ARHGAP18: variants seen among roughly 807,000 people sequenced by gnomAD.
ARHGAP18 encodes rho GTPase-activating protein 18.
A neutral mutation model predicts 86.2 loss-of-function variants in ARHGAP18; 67 were observed. That is an observed-to-expected ratio of 0.78 (90% confidence interval 0.64 to 0.95). ARHGAP18 has a LOEUF of 0.95. Among genes scored for constraint, ARHGAP18 ranks in the 40% least tolerant of loss-of-function variants. The probability of loss-of-function intolerance (pLI) is 0.00; values close to 1 mark genes in which losing one functional copy is unlikely to be tolerated. For missense variants in ARHGAP18, 691 were observed against 780.4 expected (o/e 0.89, Z 1.37); for synonymous variants, 283 against 280.4 (o/e 1.01, Z -0.09).
intron 6 of ARHGAP18, among the ~76,000 whole-genome samples, chr6:129,616,747 A>G (rs1789107371): frequency 6.6e-6 from 1 of 152,184 alleles, no homozygotes; most frequent in African/African-American, 2.4e-5. Flanking sequence ...CAGGAGTTCA[A>G]GACCAGCCTA....
chr6:129,663,867 T>C (rs1773994924), intron 1 of ARHGAP18, among the ~76,000 whole-genome samples: 1 of 152,248 alleles, frequency 6.6e-6, no homozygotes. Context: ...ATTTTAGCAA[T>C]CGCAAACTGA....
chr6:129,691,569 A>C (rs1235815814), intron 1 of ARHGAP18, among the ~76,000 whole-genome samples: 3 of 152,184 alleles, frequency 2.0e-5, no homozygotes, highest in Non-Finnish European at 4.4e-5. Flanking sequence ...GGGTTCACAG[A>C]ACAAAGTTTT....
At chr6:129,613,255 G>C (rs867453593) in intron 7 of ARHGAP18, among the ~76,000 whole-genome samples, 4 of 144,292 alleles carry the variant, frequency 2.8e-5, no homozygotes, top group Non-Finnish European at 4.6e-5. Flanking sequence ...AAAAAGAAAA[G>C]AAAAAAAATT....
chr6:129,592,783 A>G (rs1788543284), intron 12 of ARHGAP18, among the ~76,000 whole-genome samples: 1 of 152,106 alleles, frequency 6.6e-6, no homozygotes, highest in East Asian at 1.9e-4. Flanking sequence ...ACAAATCACA[A>G]CCAATTGTTC....
At chr6:129,601,535 G>GAAGAAAAGAGAA (rs142253193) in intron 10 of ARHGAP18, among the ~76,000 whole-genome samples, 11 of 149,510 alleles carry the variant, frequency 7.4e-5, no homozygotes, top group South Asian at 2.1e-4. Flanking sequence ...AGAAAAGAGA[G>GAAGAAAAGAGAA]AAGAAAAGAG....
chr6:129,709,328 T>C (rs906376918), intron 1 of ARHGAP18, among the ~76,000 whole-genome samples: 1 of 152,054 alleles, frequency 6.6e-6, no homozygotes, highest in East Asian at 1.9e-4. Context: ...AGTACACAGA[T>C]AGGGAGAAAG....
intron 8 of ARHGAP18, among the ~76,000 whole-genome samples, chr6:129,611,003 C>G (rs1392724380): frequency 2.0e-5 from 3 of 152,026 alleles, no homozygotes; most frequent in Non-Finnish European, 4.4e-5. Flanking sequence ...TTCAGGCAAT[C>G]CTCTCCACTC....
At position 129,610,629 on chromosome 6, in the gene ARHGAP18, T is replaced by TC. The variant is rs1270418883; in HGVS notation, c.1122+903dup. ...CAGGAGTCTATGATCCTGGCCTTTT[T>TC]CTTTTTTTTTTCTTTTGAGACGAAG... is the stretch of plus-strand genomic sequence containing the variant. On this transcript the variant is annotated intron_variant, in intron 8 of 14. Coordinates refer to ENST00000368149, the MANE Select transcript of ARHGAP18 (RefSeq NM_033515.3). 5.9e-5 allele frequency among the ~76,000 whole-genome samples: 9 copies of TC among 152,146 alleles called. No homozygotes were observed. In the South Asian group the frequency reaches 1.5e-3, roughly 25 times the overall value.
At chr6:129,600,592 G>T in intron 11 of ARHGAP18, 50 bp downstream of exon 11, 1 of 1,418,248 alleles carries the variant, frequency 7.1e-7, no homozygotes, top group Non-Finnish European at 9.7e-7. Flanking sequence ...TAACAAACAT[G>T]CAATTTGTTT....
intron 1 of ARHGAP18, among the ~76,000 whole-genome samples, chr6:129,653,993 T>C (rs765971701): frequency 2.0e-5 from 3 of 152,140 alleles, no homozygotes; most frequent in Non-Finnish European, 2.9e-5. Flanking sequence ...CAGTGAGCTA[T>C]GATCATATCA....
intron 5 of ARHGAP18, among the ~76,000 whole-genome samples, chr6:129,627,439 A>G (rs1789502718): frequency 6.6e-6 from 1 of 152,030 alleles, no homozygotes; most frequent in Non-Finnish European, 1.5e-5. Context: ...ACAATCACAT[A>G]TCTGACGTAG....
intron 1 of ARHGAP18, among the ~76,000 whole-genome samples, chr6:129,656,372 G>A (rs1413894979): frequency 3.3e-5 from 5 of 152,302 alleles, no homozygotes; most frequent in Middle Eastern, 3.4e-3. Context: ...GGCCAGGTGC[G>A]GTGGCTCATG....
intron 5 of ARHGAP18, among the ~76,000 whole-genome samples, chr6:129,625,403 A>T (rs1789376156): frequency 1.7e-5 from 1 of 59,180 alleles, no homozygotes; most frequent in Non-Finnish European, 2.7e-5. Flanking sequence ...ATACATATGT[A>T]TTATATATTA....
chr6:129,650,730 G>T (rs1345625064), intron 1 of ARHGAP18, among the ~76,000 whole-genome samples: 1 of 152,192 alleles, frequency 6.6e-6, no homozygotes, highest in Admixed American at 6.5e-5. Flanking sequence ...TGGACCTGAT[G>T]TTCTTTCTCC....
At chr6:129,616,420 T>A in intron 6 of ARHGAP18, 117 bp from the exon 7 acceptor site, 1 of 768,016 alleles carries the variant, frequency 1.3e-6, no homozygotes, top group Non-Finnish European at 2.0e-6. Flanking sequence ...ATTTAGCAAC[T>A]ACTAAGTGAA....
Position 129,619,040 on chromosome 6 carries a change from C to T in ARHGAP18, c.787-188G>A, listed in dbSNP as rs999478998. On this transcript the variant is annotated intron_variant, in intron 5 of 14. Transcript: ENST00000368149. ...ACGACCCCTAAAGCTGTGGAGGGTT[C>T]GGGAGTCAACTTCCAAAGTCTGACA... is the stretch of plus-strand genomic sequence containing the variant. 1.3e-4 allele frequency among the ~76,000 whole-genome samples: 20 copies of T among 151,072 alleles called. 1 individual carries two copies. The highest frequency in any genetic ancestry group is 6.8e-3 in the Middle Eastern group (2 of 292).
intron 2 of ARHGAP18, 61 bp downstream of exon 2, chr6:129,641,755 T>G: frequency 7.0e-7 from 1 of 1,424,646 alleles, no homozygotes; most frequent in East Asian, 2.3e-5. Context: ...TTCCTTTCTA[T>G]GCATTCATTT....
intron 1 of ARHGAP18, among the ~76,000 whole-genome samples, chr6:129,656,719 G>C (rs539940099): frequency 1.3e-5 from 2 of 152,270 alleles, no homozygotes; most frequent in South Asian, 4.1e-4. Context: ...GGAGATTCCA[G>C]TCTTTTGCTA....
At position 129,583,553 on chromosome 6, in the gene ARHGAP18, C is replaced by A. The variant is rs76169279; in HGVS notation, c.1838+435G>T. 5.4e-3 allele frequency among the ~76,000 whole-genome samples: 816 copies of A among 152,182 alleles called. 43 individuals carry two copies. In the East Asian group the frequency reaches 0.14, roughly 26 times the overall value. On this transcript the variant is annotated intron_variant, in intron 13 of 14. Transcript: ENST00000368149. Reference sequence around the variant, plus strand: ...CTTTATGGTTTGTTTTTAAATTTGACCATTTTGAAATCCATTATATTTCAT... The same window carrying A: ...CTTTATGGTTTGTTTTTAAATTTGAACATTTTGAAATCCATTATATTTCAT...
Sources: allele counts gnomAD v4.1 joint callset (sites outside exome capture counted in the v4.1 genomes callset), GRCh38; gene constraint gnomAD v4.1.1; transcripts MANE v1.5; gene names NCBI Gene and HGNC (gene_info 2026-07-23, HGNC 2026-07-21).